The following SDCCAG8 variants were observed in gnomAD, a reference collection of about 807,000 sequenced individuals.
The protein encoded by SDCCAG8 is SHH signaling and ciliogenesis regulator SDCCAG8.
In SDCCAG8, 74 loss-of-function variants were observed where a neutral mutation model predicts 101.8. The ratio of observed to expected loss-of-function variants is 0.73; its 90% CI spans 0.60 to 0.88. The LOEUF is 0.88. SDCCAG8 is among the 40% of genes least tolerant of loss of function. The pLI is 0.00. For synonymous variants in SDCCAG8, 281 were observed against 292.9 expected (o/e 0.96, Z 0.41); for missense variants, 787 against 822.6 (o/e 0.96, Z 0.53).
chr1:243,490,537 AT>A (rs1666149037), intron 17 of SDCCAG8, among the ~76,000 whole-genome samples: 2 of 152,204 alleles, frequency 1.3e-5, no homozygotes, highest in African/African-American at 4.8e-5. Context: ...ACTGTGCTGA[AT>A]CCCCTGCCCC....
At chr1:243,492,110 C>G (rs1454561446) in intron 17 of SDCCAG8, among the ~76,000 whole-genome samples, 1 of 151,908 alleles carries the variant, frequency 6.6e-6, no homozygotes, top group African/African-American at 2.4e-5. Flanking sequence ...CTTCATTATT[C>G]TAATTGTTTC....
At chr1:243,288,073 G>A (rs1440696133) in intron 5 of SDCCAG8, among the ~76,000 whole-genome samples, 2 of 152,186 alleles carry the variant, frequency 1.3e-5, no homozygotes, top group African/African-American at 4.8e-5. Flanking sequence ...GATTACTGCA[G>A]ATATGCCAGA....
chr1:243,308,181 A>C lies in SDCCAG8; in HGVS notation c.929+4A>C. 6.2e-7 allele frequency: 1 copy of C among 1,614,124 alleles called. No homozygotes were observed. The highest frequency in any genetic ancestry group is 1.1e-5 in the South Asian group (1 of 91,088). The stretch of plus-strand genomic sequence containing the variant: ...AGACCATCGAAAGACTGGTTAAGTA[A>C]GTATGCTTCTACGCGCACGGAGACT... On this transcript the variant is annotated splice_donor_region_variant and intron_variant, in intron 8 of 17. Transcript: ENST00000366541.
At chr1:243,391,792 C>T (rs2078715742) in intron 13 of SDCCAG8, among the ~76,000 whole-genome samples, 1 of 152,124 alleles carries the variant, frequency 6.6e-6, no homozygotes, top group South Asian at 2.1e-4. Flanking sequence ...AAGAGGTAAA[C>T]AAAATAAAGA....
chr1:243,308,261 T>G, intron 8 of SDCCAG8, 84 bp downstream of exon 8: 2 of 1,351,490 alleles, frequency 1.5e-6, no homozygotes, highest in Non-Finnish European at 2.1e-6. Flanking sequence ...TCTAGCCCTA[T>G]GCTAAGTCAC....
chr1:243,293,303 A>G lies in SDCCAG8; in HGVS notation c.675+84A>G, dbSNP rs368972372. The G allele has an allele frequency of 1.1e-5, 15 of 1,391,362 alleles. No individual in the cohort carries two copies. In the East Asian group the frequency reaches 1.2e-4, roughly 12 times the overall value. The allele number at this position is 1,391,362 out of a possible 1,614,324, so 86.2% of individuals were successfully genotyped here. On this transcript the variant is annotated intron_variant, in intron 6 of 17. Transcript: ENST00000366541. ...TTTTTAAAATTCTGGTAAAATATAT[A>G]TAACAAAATTTACCATTATAACCAT...
chr1:243,358,165 G>C (rs559003807), intron 12 of SDCCAG8, among the ~76,000 whole-genome samples: 1 of 151,914 alleles, frequency 6.6e-6, no homozygotes, highest in African/African-American at 2.4e-5. Flanking sequence ...CCCACAGAAC[G>C]GGAGAAAATT....
chr1:243,348,202 ATT>A (rs74162279), intron 12 of SDCCAG8, among the ~76,000 whole-genome samples: 12 of 131,660 alleles, frequency 9.1e-5, no homozygotes, highest in African/African-American at 3.3e-4. Flanking sequence ...CGCCCGGCTA[ATT>A]TTTTTTTTTT....
At chr1:243,438,316 C>A (rs1351814969) in intron 16 of SDCCAG8, among the ~76,000 whole-genome samples, 2 of 152,222 alleles carry the variant, frequency 1.3e-5, no homozygotes, top group East Asian at 1.9e-4. Flanking sequence ...TTCCTTTTAT[C>A]TACTTTTACA....
intron 16 of SDCCAG8, among the ~76,000 whole-genome samples, chr1:243,447,128 G>A (rs757345074): frequency 6.6e-5 from 10 of 151,614 alleles, no homozygotes; most frequent in Non-Finnish European, 1.2e-4. Context: ...GGCCGTGTCT[G>A]TAATCCCAGC....
chr1:243,413,067 A>T (rs1296589121), intron 13 of SDCCAG8, among the ~76,000 whole-genome samples: 1 of 152,178 alleles, frequency 6.6e-6, no homozygotes, highest in African/African-American at 2.4e-5. Context: ...AAATAGAGGG[A>T]AATTTGGGGA....
At chr1:243,483,518 C>A (rs1263475752) in intron 16 of SDCCAG8, among the ~76,000 whole-genome samples, 1 of 152,188 alleles carries the variant, frequency 6.6e-6, no homozygotes, top group Non-Finnish European at 1.5e-5. Flanking sequence ...GCCCCTCTCT[C>A]CTCCAGTGCC....
chr1:243,495,454 C>T (rs1476413497), intron 17 of SDCCAG8, among the ~76,000 whole-genome samples: 1 of 152,190 alleles, frequency 6.6e-6, no homozygotes, highest in Non-Finnish European at 1.5e-5. Flanking sequence ...GGTGTGGAGG[C>T]TGTTATCAGG....
chr1:243,348,378 A>G (rs2075869068), intron 12 of SDCCAG8, among the ~76,000 whole-genome samples: 1 of 151,684 alleles, frequency 6.6e-6, no homozygotes, highest in Non-Finnish European at 1.5e-5. Flanking sequence ...CTCCCTGTCC[A>G]GCTCTAAGAT....
chr1:243,281,939 A>C (rs573362421), intron 4 of SDCCAG8, among the ~76,000 whole-genome samples: 13 of 151,898 alleles, frequency 8.6e-5, no homozygotes, highest in Non-Finnish European at 1.9e-4. Flanking sequence ...GAGCCACTGC[A>C]CCTGTCCCTT....
At chr1:243,281,313 TTGGTTAGAG>T in intron 4 of SDCCAG8, among the ~76,000 whole-genome samples, 1 of 150,590 alleles carries the variant, frequency 6.6e-6, no homozygotes, top group East Asian at 1.9e-4. Flanking sequence ...TTTTTTTTTT[TTGGTTAGAG>T]ATGGGGTCTC....
chr1:243,456,640 C>T (rs1468720503), intron 16 of SDCCAG8, among the ~76,000 whole-genome samples: 3 of 152,040 alleles, frequency 2.0e-5, no homozygotes, highest in African/African-American at 4.8e-5. Context: ...TAAAGTGGGT[C>T]ATTCCCAGCA....
At chr1:243,256,390 G>T in intron 1 of SDCCAG8, 150 bp downstream of exon 1, 1 of 682,362 alleles carries the variant, frequency 1.5e-6, no homozygotes, top group Non-Finnish European at 2.7e-6. Context: ...TGAGGAGGAT[G>T]AAATAGTTTG....
intron 16 of SDCCAG8, among the ~76,000 whole-genome samples, chr1:243,436,167 C>CT (rs113227267): frequency 0.056 from 7,649 of 136,618 alleles, 264 homozygotes; most frequent in South Asian, 0.14. Flanking sequence ...TGTTTATCAA[C>CT]TTTTTTTTTT....
Sources: gnomAD v4.1 joint callset for allele counts (sites outside exome capture counted in the v4.1 genomes callset) on GRCh38, gnomAD v4.1.1 for gene constraint, MANE v1.5 for transcripts, NCBI Gene and HGNC (gene_info 2026-07-23, HGNC 2026-07-21) for gene names.